SLIT3: variants seen among roughly 807,000 people sequenced by gnomAD.
The protein encoded by SLIT3 is slit homolog 3 protein.
In SLIT3, 68 loss-of-function variants were observed where a neutral mutation model predicts 184.0. The observed-to-expected ratio is 0.37, with a 90% CI of 0.30 to 0.45. SLIT3 has a LOEUF of 0.45. Among genes scored for constraint, SLIT3 ranks in the 20% least tolerant of loss-of-function variants. The probability of loss-of-function intolerance (pLI) is 1.00; values close to 1 mark genes in which losing one functional copy is unlikely to be tolerated. For missense variants in SLIT3, 1,707 were observed against 2,026.0 expected (o/e 0.84, Z 3.02); for synonymous variants, 831 against 828.6 (o/e 1.00, Z -0.05).
chr5:168,746,648 G>GT (rs1754441523), intron 20 of SLIT3, among the ~76,000 whole-genome samples: 3 of 57,622 alleles, frequency 5.2e-5, no homozygotes, highest in African/African-American at 1.4e-4. Context: ...GTAGTGGTGT[G>GT]GGTGTGTGGT....
intron 4 of SLIT3, among the ~76,000 whole-genome samples, chr5:168,976,717 AATT>A (rs1456947930): frequency 6.6e-6 from 1 of 152,150 alleles, no homozygotes; most frequent in Non-Finnish European, 1.5e-5. Flanking sequence ...GTGTAGTTTC[AATT>A]ATTAATTCCA....
At chr5:168,766,698 C>T (rs1331242061) in intron 14 of SLIT3, among the ~76,000 whole-genome samples, 2 of 152,220 alleles carry the variant, frequency 1.3e-5, no homozygotes, top group Non-Finnish European at 2.9e-5. Flanking sequence ...CTGGTCCCTG[C>T]CATGTTAGGG....
chr5:168,970,670 G>T (rs1192056568), intron 4 of SLIT3, among the ~76,000 whole-genome samples: 2 of 152,080 alleles, frequency 1.3e-5, no homozygotes, highest in East Asian at 3.9e-4. Context: ...TTTGTTGTGG[G>T]GTATCTCAAA....
At chr5:169,042,031 C>T (rs191183659) in intron 4 of SLIT3, among the ~76,000 whole-genome samples, 9 of 152,310 alleles carry the variant, frequency 5.9e-5, no homozygotes, top group African/African-American at 1.9e-4. Context: ...ACTTCTCCCA[C>T]CTGTCTTCTT....
intron 4 of SLIT3, among the ~76,000 whole-genome samples, chr5:169,168,071 G>C (rs922029680): frequency 6.6e-6 from 1 of 152,148 alleles, no homozygotes; most frequent in African/African-American, 2.4e-5. Context: ...ACAAACATGA[G>C]AATTTCCTGT....
rs990410081 is a variant in SLIT3 at position 168,744,150 on chromosome 5, G to A, written c.2270+4152C>T. Reference sequence around the variant, plus strand: ...TAAAAATACAAAAAATTAGCCGGGCGTGGTGGCGGGCTCCTGTAGTCCCAG... The same window carrying A: ...TAAAAATACAAAAAATTAGCCGGGCATGGTGGCGGGCTCCTGTAGTCCCAG... On this transcript the variant is annotated intron_variant, in intron 20 of 35. Transcript: ENST00000519560. 5.9e-5 allele frequency among the ~76,000 whole-genome samples: 9 copies of A among 152,138 alleles called. No individual in the cohort carries two copies. In the South Asian group the frequency reaches 6.2e-4, roughly 11 times the overall value.
chr5:168,733,789 TA>T lies in SLIT3; in HGVS notation c.2271-9306del, dbSNP rs977459730. On this transcript the variant is annotated intron_variant, in intron 20 of 35. Coordinates refer to ENST00000519560, the MANE Select transcript of SLIT3 (RefSeq NM_003062.4). ...CACACATCTATCCTGGAACTTAAAA[TA>T]AAAAAAAATTAAAAAAAAAAAAGAA... Among the ~76,000 whole-genome samples, 61 of 111,600 alleles carry T rather than the reference TA, an allele frequency of 5.5e-4. No individual in the cohort carries two copies. In the South Asian group the frequency reaches 0.016, roughly 29 times the overall value. The allele number at this position is 111,600 out of a possible 152,430, so 73.2% of individuals were successfully genotyped here.
At chr5:169,168,057 T>A (rs936802814) in intron 4 of SLIT3, among the ~76,000 whole-genome samples, 1 of 152,200 alleles carries the variant, frequency 6.6e-6, no homozygotes, top group East Asian at 1.9e-4. Flanking sequence ...CAACAAAGAC[T>A]GGCACAAACA....
intron 1 of SLIT3, among the ~76,000 whole-genome samples, chr5:169,262,391 G>C (rs1766222742): frequency 1.3e-5 from 2 of 152,128 alleles, no homozygotes; most frequent in South Asian, 4.2e-4. Flanking sequence ...TTTGGTCTGA[G>C]ACTAGAAGGA....
intron 3 of SLIT3, among the ~76,000 whole-genome samples, chr5:169,230,470 G>T (rs1334078771): frequency 6.6e-6 from 1 of 152,182 alleles, no homozygotes; most frequent in Non-Finnish European, 1.5e-5. Context: ...CCACACATAT[G>T]CATTTAAATA....
intron 4 of SLIT3, among the ~76,000 whole-genome samples, chr5:168,933,386 C>T (rs1479732312): frequency 6.6e-6 from 1 of 152,104 alleles, no homozygotes; most frequent in African/African-American, 2.4e-5. Flanking sequence ...TACTAAAATA[C>T]AAAACATTAG....
At chr5:168,885,024 C>A (rs1483537698) in intron 4 of SLIT3, among the ~76,000 whole-genome samples, 5 of 152,102 alleles carry the variant, frequency 3.3e-5, no homozygotes, top group Admixed American at 2.6e-4. Flanking sequence ...CCACTAAAAT[C>A]TGGGCAGTCT....
At position 168,662,159 on chromosome 5, in the gene SLIT3, T is replaced by C. The variant is rs989287965; in HGVS notation, c.*4295A>G. On this transcript the variant is annotated 3_prime_UTR_variant, in exon 36 of 36. Transcript: ENST00000519560. ...AAGAACTTTGGCCTGGGTGGACACA[T>C]GGGGTTAATTATCTGTGTGTCTTTG... 2.6e-5 allele frequency: 4 copies of C among 152,212 alleles called. No homozygotes were observed. Among genetic ancestry groups the C allele is most frequent in the East Asian group, 1.9e-4 (1 of 5,192 alleles). The allele number at this position is 152,212 out of a possible 1,614,324, so 9.4% of individuals were successfully genotyped here. A position where few individuals can be genotyped will look rare whatever the true frequency, so the allele number is the denominator to read the frequency against.
At chr5:168,812,394 C>T (rs1757187912) in intron 8 of SLIT3, among the ~76,000 whole-genome samples, 2 of 152,140 alleles carry the variant, frequency 1.3e-5, no homozygotes, top group Admixed American at 6.5e-5. Flanking sequence ...GACAGACATG[C>T]TAAATCCTCT....
chr5:168,969,312 A>G (rs796999942), intron 4 of SLIT3, among the ~76,000 whole-genome samples: 8 of 152,322 alleles, frequency 5.3e-5, no homozygotes, highest in African/African-American at 1.4e-4. Flanking sequence ...GGTTGTGATG[A>G]ATAAATTATG....
chr5:169,019,809 A>T (rs778997385), intron 4 of SLIT3, among the ~76,000 whole-genome samples: 2 of 152,210 alleles, frequency 1.3e-5, no homozygotes, highest in African/African-American at 2.4e-5. Flanking sequence ...TCTTTTATAA[A>T]GGATTAAATA....
chr5:168,835,845 T>C (rs533511124), intron 6 of SLIT3, among the ~76,000 whole-genome samples: 25 of 152,254 alleles, frequency 1.6e-4, no homozygotes, highest in Admixed American at 3.3e-4. Flanking sequence ...GTTTTTGTTT[T>C]AGTTTGTGTA....
intron 4 of SLIT3, among the ~76,000 whole-genome samples, chr5:169,077,093 C>T (rs1456316567): frequency 1.3e-5 from 2 of 152,164 alleles, no homozygotes; most frequent in Non-Finnish European, 2.9e-5. Flanking sequence ...AACAAACTCT[C>T]CTCTTCTTCC....
At chr5:169,143,564 C>T (rs553097814) in intron 4 of SLIT3, among the ~76,000 whole-genome samples, 8 of 152,280 alleles carry the variant, frequency 5.3e-5, no homozygotes, top group South Asian at 2.1e-4. Flanking sequence ...TTCGGGAGGC[C>T]GAGGTGGGTG....
Sources: gnomAD v4.1 joint callset for allele counts (sites outside exome capture counted in the v4.1 genomes callset) on GRCh38, gnomAD v4.1.1 for gene constraint, MANE v1.5 for transcripts, NCBI Gene and HGNC (gene_info 2026-07-23, HGNC 2026-07-21) for gene names.